DENND1A: variants seen among roughly 807,000 people sequenced by gnomAD.
The protein encoded by DENND1A is DENN domain containing 1A.
DENND1A carries 51 observed loss-of-function variants against 113.7 expected under a neutral mutation model. The ratio of observed to expected loss-of-function variants is 0.45; its 90% CI spans 0.36 to 0.57. DENND1A has a LOEUF of 0.57. Ranked by LOEUF, DENND1A falls within the 20% of genes least tolerant of loss-of-function variation. The pLI is 0.00. For missense variants in DENND1A, 1,258 were observed against 1,395.9 expected (o/e 0.90, Z 1.57); for synonymous variants, 565 against 570.8 (o/e 0.99, Z 0.14).
At chr9:123,503,700 C>T (rs916194439) in intron 13 of DENND1A, among the ~76,000 whole-genome samples, 3 of 152,210 alleles carry the variant, frequency 2.0e-5, no homozygotes, top group African/African-American at 7.2e-5. Flanking sequence ...TCCTCCCTTC[C>T]CTTTTCCCAC....
intron 13 of DENND1A, among the ~76,000 whole-genome samples, chr9:123,493,611 C>T (rs1460324449): frequency 1.3e-5 from 2 of 152,202 alleles, no homozygotes; most frequent in Non-Finnish European, 2.9e-5. Flanking sequence ...CTGCCCTATG[C>T]TCTTCCATCC....
chr9:123,715,748 C>A (rs552537574), intron 5 of DENND1A, among the ~76,000 whole-genome samples: 11 of 152,176 alleles, frequency 7.2e-5, no homozygotes, highest in African/African-American at 2.4e-4. Context: ...TGTGGTGGTA[C>A]AACCTCCGCT....
intron 2 of DENND1A, among the ~76,000 whole-genome samples, chr9:123,797,733 A>T (rs1221586876): frequency 2.0e-5 from 3 of 152,150 alleles, no homozygotes; most frequent in African/African-American, 7.2e-5. Flanking sequence ...ACTTGTTACA[A>T]ATAATATATT....
chr9:123,870,420 C>G (rs1846391046), intron 2 of DENND1A, among the ~76,000 whole-genome samples: 1 of 151,754 alleles, frequency 6.6e-6, no homozygotes, highest in South Asian at 2.1e-4. Context: ...CAAGTGCCCG[C>G]CACCATGCCC....
chr9:123,831,071 T>G (rs1280400710), intron 2 of DENND1A, among the ~76,000 whole-genome samples: 2 of 152,072 alleles, frequency 1.3e-5, no homozygotes, highest in East Asian at 3.9e-4. Flanking sequence ...TATCTACAGA[T>G]AAATTATTGG....
intron 13 of DENND1A, among the ~76,000 whole-genome samples, chr9:123,513,995 TA>T (rs937673766): frequency 6.6e-6 from 1 of 151,892 alleles, no homozygotes; most frequent in Non-Finnish European, 1.5e-5. Context: ...GAGTTTTTAT[TA>T]AAAACAGAAT....
chr9:123,446,356 G>A (rs928214815), intron 18 of DENND1A, among the ~76,000 whole-genome samples: 2 of 152,170 alleles, frequency 1.3e-5, no homozygotes, highest in Non-Finnish European at 2.9e-5. Context: ...CGGGAGACAG[G>A]GAGCTGACAG....
At chr9:123,918,302 C>A (rs1445075257) in intron 1 of DENND1A, among the ~76,000 whole-genome samples, 1 of 150,802 alleles carries the variant, frequency 6.6e-6, no homozygotes. Flanking sequence ...TCCTGGCTAA[C>A]ACGGTGAAAC....
intron 13 of DENND1A, among the ~76,000 whole-genome samples, chr9:123,504,204 T>A (rs1249355094): frequency 2.0e-5 from 3 of 152,216 alleles, no homozygotes; most frequent in Admixed American, 2.0e-4. Flanking sequence ...CTTCGCCATC[T>A]GGTGAAACTG....
intron 12 of DENND1A, among the ~76,000 whole-genome samples, chr9:123,575,502 A>C (rs551177519): frequency 1.3e-5 from 2 of 152,340 alleles, no homozygotes; most frequent in African/African-American, 2.4e-5. Flanking sequence ...TTTTGGAAAG[A>C]ATACCACAGA....
At position 123,629,280 on chromosome 9, in the gene DENND1A, G is replaced by A. The variant is rs189071534; in HGVS notation, c.719+1096C>T. Among the ~76,000 whole-genome samples the A allele has an allele frequency of 6.3e-3, 958 of 152,266 alleles. 7 individuals are homozygous for A. Among genetic ancestry groups the A allele is most frequent in the Non-Finnish European group, 9.0e-3 (609 of 68,030 alleles). ...CCTTCTCCTGAAGCTCTCAATATCC[G>A]GCACGCAGTTAGTGCCTTTCCCTGT... is the stretch of plus-strand genomic sequence containing the variant. On this transcript the variant is annotated intron_variant, in intron 10 of 23. Transcript: ENST00000394215.
chr9:123,454,703 G>T (rs371597470), intron 16 of DENND1A, 36 bp downstream of exon 16: 228 of 1,550,778 alleles, frequency 1.5e-4, no homozygotes, highest in Non-Finnish European at 1.4e-4. Flanking sequence ...AGCTAAGGAG[G>T]GAGTCCAGGG....
At chr9:123,610,826 A>G (rs1308348002) in intron 10 of DENND1A, among the ~76,000 whole-genome samples, 1 of 152,200 alleles carries the variant, frequency 6.6e-6, no homozygotes, top group Non-Finnish European at 1.5e-5. Flanking sequence ...CCAACTGAAT[A>G]CTAAGGAGTT....
rs905913805 is a variant in DENND1A, at chr9:123,488,264, G to A, written c.994-30367C>T. 5.9e-5 allele frequency among the ~76,000 whole-genome samples: 9 copies of A among 152,148 alleles called. No homozygotes were observed. In the South Asian group the frequency reaches 1.0e-3, roughly 17 times the overall value. ...GCTTCCCCCTCCCCCAGCTGCCTCC[G>A]AGCCTCCCTCTTGTTCTCCCTGGAG... On this transcript the variant is annotated intron_variant, in intron 13 of 23. Transcript: ENST00000394215.
rs367751848 is a variant in DENND1A, at chr9:123,395,468, C to CTCTCTGTGTGTGTGTGTGTGTGTGTGTG, written c.1632-7611_1632-7610insCACACACACACACACACACACACAGAGA. On this transcript the variant is annotated intron_variant, in intron 21 of 23. Transcript: ENST00000394215. ...AGGGCCCAGAATCTACTCTCTCTCT[C>CTCTCTGTGTGTGTGTGTGTGTGTGTGTG]TGTGTGTGTGTGTGTGTGTGTGTGT... Among the ~76,000 whole-genome samples, 504 of 142,922 alleles carry CTCTCTGTGTGTGTGTGTGTGTGTGTGTG rather than the reference C, an allele frequency of 3.5e-3. 4 individuals are homozygous for CTCTCTGTGTGTGTGTGTGTGTGTGTGTG. The highest frequency in any genetic ancestry group is 4.9e-3 in the Non-Finnish European group (321 of 66,056). 93.8% of individuals were successfully genotyped at this position (142,922 alleles called of 152,430 possible).
chr9:123,507,355 C>G (rs1242861087), intron 13 of DENND1A, among the ~76,000 whole-genome samples: 1 of 152,120 alleles, frequency 6.6e-6, no homozygotes, highest in East Asian at 1.9e-4. Context: ...AAAGGATGAC[C>G]TAAGTCATCT....
intron 13 of DENND1A, among the ~76,000 whole-genome samples, chr9:123,482,619 C>T (rs887583049): frequency 6.6e-6 from 1 of 152,188 alleles, no homozygotes; most frequent in Non-Finnish European, 1.5e-5. Context: ...GCCCCTGGAG[C>T]TATCACAGTC....
intron 8 of DENND1A, among the ~76,000 whole-genome samples, 196 bp downstream of exon 8, chr9:123,666,830 C>T (rs528951981): frequency 6.6e-6 from 1 of 152,148 alleles, no homozygotes; most frequent in South Asian, 2.1e-4. Context: ...ACTTTCTATA[C>T]TTTGCAAATA....
chr9:123,865,650 C>T (rs1845709557), intron 2 of DENND1A, among the ~76,000 whole-genome samples: 1 of 152,230 alleles, frequency 6.6e-6, no homozygotes, highest in African/African-American at 2.4e-5. Context: ...AACTCTGTGC[C>T]ATGCCCTGTG....
Sources: allele counts gnomAD v4.1 joint callset (sites outside exome capture counted in the v4.1 genomes callset), GRCh38; gene constraint gnomAD v4.1.1; transcripts MANE v1.5; gene names NCBI Gene and HGNC (gene_info 2026-07-23, HGNC 2026-07-21).